Variants in RBM20 observed in about 807,000 individuals in gnomAD.
RBM20 encodes the protein RNA binding motif protein 20.
A neutral mutation model predicts 110.1 loss-of-function variants in RBM20; 51 were observed. The observed-to-expected ratio is 0.46, with a 90% CI of 0.37 to 0.59. The LOEUF is 0.59. Among genes scored for constraint, RBM20 ranks in the 20% least tolerant of loss-of-function variants. RBM20 has a pLI of 0.00. For synonymous variants in RBM20, 589 were observed against 618.2 expected, an observed-to-expected ratio of 0.95 and a Z score of 0.70; for missense variants, 1,512 against 1,574.9, an observed-to-expected ratio of 0.96 and a Z score of 0.68.
chr10:110,772,808 A>C (rs1844210952), intron 1 of RBM20, among the ~76,000 whole-genome samples: 1 of 152,238 alleles, frequency 6.6e-6, no homozygotes, highest in Non-Finnish European at 1.5e-5. Context: ...ATGATAGTTA[A>C]TATAATTATC....
rs573681889 is a variant in RBM20, at chr10:110,721,077, C to T, written c.192-59724C>T. 4.6e-5 allele frequency among the ~76,000 whole-genome samples: 7 copies of T among 152,334 alleles called. No homozygotes were observed. In the South Asian group the frequency reaches 1.2e-3, roughly 27 times the overall value. Reference sequence around the variant, plus strand: ...TTTCCTGCAGGCACCTGCTCAGTTGCCGCCACATGGAGAGGCCTTCCCTGG... The same window carrying T: ...TTTCCTGCAGGCACCTGCTCAGTTGTCGCCACATGGAGAGGCCTTCCCTGG... On this transcript the variant is annotated intron_variant, in intron 1 of 13. Transcript: ENST00000369519.
chr10:110,689,995 A>G (rs1026122890), intron 1 of RBM20, among the ~76,000 whole-genome samples: 2 of 152,348 alleles, frequency 1.3e-5, no homozygotes, highest in Admixed American at 1.3e-4. Flanking sequence ...GGGCCTTCAG[A>G]TCAATTTATG....
At chr10:110,748,662 A>G (rs189745044) in intron 1 of RBM20, among the ~76,000 whole-genome samples, 2,552 of 151,480 alleles carry the variant, frequency 0.017, 78 homozygotes, top group African/African-American at 0.059. Flanking sequence ...GACTAGTTAT[A>G]TCTTCTCTCT....
intron 1 of RBM20, among the ~76,000 whole-genome samples, chr10:110,742,467 G>A (rs2036851580): frequency 6.6e-6 from 1 of 152,136 alleles, no homozygotes; most frequent in South Asian, 2.1e-4. Context: ...TTAGCAACAT[G>A]GACCCCTGGA....
intron 1 of RBM20, among the ~76,000 whole-genome samples, chr10:110,776,609 T>C (rs564218413): frequency 6.6e-6 from 1 of 152,370 alleles, no homozygotes; most frequent in Non-Finnish European, 1.5e-5. Flanking sequence ...ATCTTCTCGC[T>C]GACTCTGATC....
chr10:110,725,642 G>A (rs1843552274), intron 1 of RBM20, among the ~76,000 whole-genome samples: 1 of 152,210 alleles, frequency 6.6e-6, no homozygotes, highest in South Asian at 2.1e-4. Flanking sequence ...TTGCAGAGGT[G>A]CAGGCTTTAA....
chr10:110,676,471 A>G (rs1862341438), intron 1 of RBM20, among the ~76,000 whole-genome samples: 1 of 152,270 alleles, frequency 6.6e-6, no homozygotes. Context: ...ACTTTGCTCT[A>G]AGATGAAATG....
chr10:110,657,984 C>T (rs1028978372), intron 1 of RBM20, among the ~76,000 whole-genome samples: 1 of 152,128 alleles, frequency 6.6e-6, no homozygotes, highest in African/African-American at 2.4e-5. Context: ...AGAATATACA[C>T]TTTTTCATCT....
At chr10:110,826,398 C>G (rs773884546) in intron 12 of RBM20, among the ~76,000 whole-genome samples, 4 of 152,128 alleles carry the variant, frequency 2.6e-5, no homozygotes, top group Non-Finnish European at 4.4e-5. Context: ...TATGTAACCC[C>G]TCCCTCCCCA....
At chr10:110,690,515 A>T (rs1262862582) in intron 1 of RBM20, among the ~76,000 whole-genome samples, 1 of 152,110 alleles carries the variant, frequency 6.6e-6, no homozygotes, top group Non-Finnish European at 1.5e-5. Context: ...CCCAAACAGA[A>T]ACTCTCTACC....
chr10:110,815,879 C>G (rs1844831381), intron 9 of RBM20, among the ~76,000 whole-genome samples: 1 of 152,172 alleles, frequency 6.6e-6, no homozygotes, highest in Non-Finnish European at 1.5e-5. Context: ...TCAGTAGGGA[C>G]TTACTGGGGC....
chr10:110,665,692 ATAT>A (rs200467189), intron 1 of RBM20, among the ~76,000 whole-genome samples: 5,861 of 152,226 alleles, frequency 0.039, 344 homozygotes, highest in African/African-American at 0.13. Context: ...GATAACTAAG[ATAT>A]TATATTTGAA....
intron 1 of RBM20, among the ~76,000 whole-genome samples, chr10:110,677,554 G>A (rs1366947476): frequency 1.3e-5 from 2 of 152,240 alleles, no homozygotes; most frequent in African/African-American, 4.8e-5. Context: ...TCCTGACCTC[G>A]TGATCTGCCT....
Position 110,835,955 on chromosome 10 carries a change from C to A in RBM20, c.3661C>A (p.Arg1221Ser). The change falls in exon 14 of 14, where the codon CGC becomes AGC. Residue 1221 changes from arginine (R) to serine (S), a missense_variant. By Grantham distance (110) the Arg-to-Ser change is moderately radical. Around this residue, in one of 3 missense-constraint regions of RBM20, gnomAD observed 358 missense variants for 384.2 expected, o/e 0.93. Transcript: ENST00000369519. Reference sequence around the variant, plus strand: ...GCCAGAGGACAGCGGAATCGTGCCACGCTTCGAAAGGAAAAAGCTCTGATG... The same window carrying A: ...GCCAGAGGACAGCGGAATCGTGCCAAGCTTCGAAAGGAAAAAGCTCTGATG... Reference protein sequence around the residue: ...PRPEDSGIVPRFERKKL With the variant: ...PRPEDSGIVPSFERKKL 1 of 1,324,050 alleles carries A rather than the reference C, an allele frequency of 7.6e-7. No homozygotes were observed. The highest frequency in any genetic ancestry group is 1.5e-5 in the African/African-American group (1 of 68,154). 82.0% of individuals were successfully genotyped at this position (1,324,050 alleles called of 1,614,324 possible).
At chr10:110,780,137 G>A (rs1203346250) in intron 1 of RBM20, among the ~76,000 whole-genome samples, 2 of 152,096 alleles carry the variant, frequency 1.3e-5, no homozygotes, top group South Asian at 2.1e-4. Flanking sequence ...TTGGTGCTGT[G>A]TACTCTTTTT....
At position 110,702,751 on chromosome 10, in the gene RBM20, G is replaced by A. The variant is rs1034243804; in HGVS notation, c.191+58106G>A. Among the ~76,000 whole-genome samples, 4 of 152,136 alleles carry A rather than the reference G, an allele frequency of 2.6e-5. No individual in the cohort carries two copies. The East Asian group carries it at 7.7e-4, about 29-fold the overall frequency. On this transcript the variant is annotated intron_variant, in intron 1 of 13. Coordinates refer to ENST00000369519, the MANE Select transcript of RBM20 (RefSeq NM_001134363.3). The stretch of plus-strand genomic sequence containing the variant: ...CTCTGGATCCAGACTGCTTATGTTG[G>A]AATCATCTTCCACCCACTTACTCAC...
Position 110,812,443 on chromosome 10 carries a change from C to G in RBM20, c.2046C>G (p.Ala682=). The change falls in exon 9 of 14, where the codon GCC becomes GCG. Residue 682 remains alanine, a synonymous_variant. Coordinates refer to ENST00000369519, the MANE Select transcript of RBM20 (RefSeq NM_001134363.3). The part of the protein sequence containing the change: ...GRDSWEHSPY[A]RREEERDPAP... Reference sequence around the variant, plus strand: ...ACTCCTGGGAGCACTCTCCCTATGCCAGGAGGGAGGAAGAGCGAGACCCGG... The same window carrying G: ...ACTCCTGGGAGCACTCTCCCTATGCGAGGAGGGAGGAAGAGCGAGACCCGG... 2 of 1,551,696 alleles carry G rather than the reference C, an allele frequency of 1.3e-6. No homozygotes were observed. The highest frequency in any genetic ancestry group is 1.7e-6 in the Non-Finnish European group (2 of 1,146,986).
intron 1 of RBM20, among the ~76,000 whole-genome samples, chr10:110,648,745 A>G (rs1355295916): frequency 1.3e-5 from 2 of 152,216 alleles, no homozygotes; most frequent in Admixed American, 6.5e-5. Context: ...AGCAGCCTGA[A>G]TGATTCTTTT....
At chr10:110,778,307 T>C (rs896211777) in intron 1 of RBM20, among the ~76,000 whole-genome samples, 2 of 152,246 alleles carry the variant, frequency 1.3e-5, no homozygotes, top group Non-Finnish European at 2.9e-5. Context: ...TGATTTTTCA[T>C]GCAAATGGGA....
Sources: allele counts gnomAD v4.1 joint callset (sites outside exome capture counted in the v4.1 genomes callset), GRCh38; gene constraint gnomAD v4.1.1; regional missense constraint gnomAD v4.1.1; transcripts MANE v1.5; gene names NCBI Gene and HGNC (gene_info 2026-07-23, HGNC 2026-07-21).